Variants in FHIT observed in about 807,000 individuals in gnomAD.
FHIT encodes fragile histidine triad diadenosine triphosphatase, also known as bis(5'-adenosyl)-triphosphatase.
In FHIT, 19 loss-of-function variants were observed where a neutral mutation model predicts 17.9. The ratio of observed to expected loss-of-function variants is 1.06; its 90% CI spans 0.74 to 1.56. FHIT has a LOEUF of 1.56. Ranked by LOEUF, FHIT falls within the 40% of genes most tolerant of loss-of-function variation. The pLI is 0.00. For synonymous variants in FHIT, 81 were observed against 69.7 expected (o/e 1.16, Z -0.81); for missense variants, 248 against 189.2 (o/e 1.31, Z -1.82).
chr3:60,150,705 C>G (rs779523282), intron 5 of FHIT, among the ~76,000 whole-genome samples: 23 of 152,244 alleles, frequency 1.5e-4, no homozygotes, highest in Non-Finnish European at 3.2e-4. Flanking sequence ...ACCGCCTGAG[C>G]TCAGGAGTTC....
At chr3:60,634,599 C>G (rs1018323660) in intron 4 of FHIT, among the ~76,000 whole-genome samples, 1 of 152,120 alleles carries the variant, frequency 6.6e-6, no homozygotes, top group Non-Finnish European at 1.5e-5. Context: ...CCTGGGGTAA[C>G]GGCACCAGCA....
intron 4 of FHIT, among the ~76,000 whole-genome samples, chr3:60,595,963 A>C (rs2107704774): frequency 6.6e-6 from 1 of 152,076 alleles, no homozygotes; most frequent in Admixed American, 6.5e-5. Context: ...TCTATAGTTA[A>C]CATCCAAATC....
At chr3:60,211,380 T>G (rs969390720) in intron 5 of FHIT, among the ~76,000 whole-genome samples, 2 of 152,060 alleles carry the variant, frequency 1.3e-5, no homozygotes, top group Non-Finnish European at 2.9e-5. Flanking sequence ...ATAAGGGAGA[T>G]ATAGAAGTTA....
intron 7 of FHIT, among the ~76,000 whole-genome samples, chr3:59,987,078 A>T (rs1005651752): frequency 7.3e-6 from 1 of 137,218 alleles, no homozygotes; most frequent in African/African-American, 2.6e-5. Context: ...ATATATCTAT[A>T]TTATATATAG....
At chr3:59,977,752 C>G (rs1708479011) in intron 7 of FHIT, among the ~76,000 whole-genome samples, 1 of 152,160 alleles carries the variant, frequency 6.6e-6, no homozygotes, top group Non-Finnish European at 1.5e-5. Flanking sequence ...TTATAATTAT[C>G]TATCTGTAGC....
At chr3:59,952,032 C>T (rs539753858) in intron 7 of FHIT, among the ~76,000 whole-genome samples, 1 of 152,278 alleles carries the variant, frequency 6.6e-6, no homozygotes, top group Admixed American at 6.5e-5. Context: ...CTTCTCACAG[C>T]CTTGATCTCA....
At chr3:60,291,282 G>C (rs1218644334) in intron 5 of FHIT, among the ~76,000 whole-genome samples, 2 of 152,158 alleles carry the variant, frequency 1.3e-5, no homozygotes, top group African/African-American at 4.8e-5. Flanking sequence ...TGAAAGACTA[G>C]TTGGACCAGG....
At chr3:60,813,965 CCTAT>C (rs1559742452) in intron 4 of FHIT, among the ~76,000 whole-genome samples, 1 of 152,064 alleles carries the variant, frequency 6.6e-6, no homozygotes, top group Non-Finnish European at 1.5e-5. Context: ...TTATTTTAAA[CCTAT>C]CTGTGTTTTT....
intron 5 of FHIT, among the ~76,000 whole-genome samples, chr3:60,114,661 T>C (rs2107194105): frequency 6.6e-6 from 1 of 151,852 alleles, no homozygotes; most frequent in South Asian, 2.1e-4. Context: ...GTCCAGCTAA[T>C]TTTTGTATTT....
chr3:60,823,931 T>G (rs1005183861), intron 3 of FHIT, among the ~76,000 whole-genome samples: 3 of 152,106 alleles, frequency 2.0e-5, no homozygotes, highest in African/African-American at 7.2e-5. Flanking sequence ...GGTGCATGTT[T>G]GTATGTTAGA....
rs371360236 is a variant in FHIT at position 60,183,454 on chromosome 3, T to C, written c.104-169302A>G. On this transcript the variant is annotated intron_variant, in intron 5 of 9. Coordinates refer to ENST00000492590, the MANE Select transcript of FHIT (RefSeq NM_002012.4). The stretch of plus-strand genomic sequence containing the variant: ...AAAATAAAAGTGGTATGATGGAGGA[T>C]TGTTTTGAAAGTGTTTTGTTCAATT... Among the ~76,000 whole-genome samples, 7 of 152,098 alleles carry C rather than the reference T, an allele frequency of 4.6e-5. No homozygotes were observed. The East Asian group carries it at 9.7e-4, about 21-fold the overall frequency.
intron 8 of FHIT, among the ~76,000 whole-genome samples, chr3:59,816,330 A>G (rs1700598520): frequency 6.6e-6 from 1 of 152,206 alleles, no homozygotes; most frequent in Non-Finnish European, 1.5e-5. Context: ...GATTTTTGCC[A>G]ATTAGATGTG....
chr3:60,728,473 A>AT (rs1471851963), intron 4 of FHIT, among the ~76,000 whole-genome samples: 2 of 152,160 alleles, frequency 1.3e-5, no homozygotes, highest in Non-Finnish European at 2.9e-5. Context: ...GTAAAATGAG[A>AT]TAAAAACAGA....
intron 1 of FHIT, among the ~76,000 whole-genome samples, chr3:61,203,864 T>G (rs1247410499): frequency 1.3e-5 from 2 of 152,238 alleles, no homozygotes. Flanking sequence ...AAAGAGGCCC[T>G]TACACATGTA....
intron 5 of FHIT, among the ~76,000 whole-genome samples, chr3:60,289,006 C>T (rs1023442660): frequency 1.3e-5 from 2 of 152,096 alleles, no homozygotes; most frequent in Non-Finnish European, 2.9e-5. Context: ...AAAATCTACT[C>T]AGAGGTTAGT....
intron 3 of FHIT, among the ~76,000 whole-genome samples, chr3:60,856,170 T>C (rs1703373072): frequency 6.6e-6 from 1 of 152,074 alleles, no homozygotes; most frequent in East Asian, 1.9e-4. Flanking sequence ...TGGTAATGCA[T>C]TCGAGGCAGA....
In FHIT at chr3:60,548,669, T is replaced by G. The variant is rs538657315; in HGVS notation, c.-17-11690A>C. Among the ~76,000 whole-genome samples, 4 of 152,168 alleles carry G rather than the reference T, an allele frequency of 2.6e-5. No individual in the cohort carries two copies. The East Asian group carries it at 5.8e-4, about 22-fold the overall frequency. ...CAACAACAGCATCACTTGAGAGTTG[T>G]AAGAAATGTAGATTCCCAGGCCCCA... On this transcript the variant is annotated intron_variant, in intron 4 of 9. Transcript: ENST00000492590.
At chr3:60,999,356 A>C (rs1559898436) in intron 3 of FHIT, among the ~76,000 whole-genome samples, 1 of 151,966 alleles carries the variant, frequency 6.6e-6, no homozygotes, top group Non-Finnish European at 1.5e-5. Flanking sequence ...CAGTTGCAAG[A>C]AATCTAACAG....
intron 5 of FHIT, among the ~76,000 whole-genome samples, chr3:60,028,592 C>A (rs1197638495): frequency 7.2e-5 from 11 of 152,154 alleles, no homozygotes; most frequent in Non-Finnish European, 1.6e-4. Flanking sequence ...AAAGAGGGAA[C>A]TGGCCAAGAA....
Sources: allele counts gnomAD v4.1 joint callset (sites outside exome capture counted in the v4.1 genomes callset), GRCh38; gene constraint gnomAD v4.1.1; transcripts MANE v1.5; gene names NCBI Gene and HGNC (gene_info 2026-07-23, HGNC 2026-07-21).